Variants in SPAG9 observed in about 807,000 individuals in gnomAD.
The protein encoded by SPAG9 is C-Jun-amino-terminal kinase-interacting protein 4.
SPAG9 carries 35 observed loss-of-function variants against 166.5 expected under a neutral mutation model. The ratio of observed to expected loss-of-function variants is 0.21; its 90% CI spans 0.16 to 0.28. The LOEUF (loss-of-function observed/expected upper bound fraction) is 0.28, where lower values mean the gene tolerates loss of function less well. SPAG9 is among the 10% of genes least tolerant of loss of function. The pLI is 1.00. For synonymous variants in SPAG9, 534 were observed against 565.5 expected, an observed-to-expected ratio of 0.94 and a Z score of 0.79; for missense variants, 1,235 against 1,603.3, an observed-to-expected ratio of 0.77 and a Z score of 3.92.
chr17:51,107,100 CAAAA>C (rs527593488), intron 1 of SPAG9, among the ~76,000 whole-genome samples: 2 of 87,848 alleles, frequency 2.3e-5, no homozygotes, highest in African/African-American at 4.2e-5. Context: ...TGCTCCATCT[CAAAA>C]AAAAAAAAAA....
chr17:51,027,616 C>A (rs934137846), intron 6 of SPAG9, among the ~76,000 whole-genome samples: 2 of 152,108 alleles, frequency 1.3e-5, no homozygotes. Flanking sequence ...CTGAAAAATT[C>A]TTGTTGCCCA....
intron 3 of SPAG9, 78 bp downstream of exon 3, chr17:51,056,334 G>T: frequency 1.2e-6 from 1 of 830,598 alleles, no homozygotes; most frequent in East Asian, 2.6e-5. Flanking sequence ...GATTTTCAAA[G>T]AAAAATTAAG....
intron 1 of SPAG9, among the ~76,000 whole-genome samples, chr17:51,112,567 A>T (rs922795927): frequency 2.0e-5 from 3 of 146,986 alleles, no homozygotes; most frequent in African/African-American, 7.5e-5. Context: ...GCTACTCAGG[A>T]GGCTGAAGCA....
chr17:51,033,924 G>T (rs1483587635), intron 5 of SPAG9, among the ~76,000 whole-genome samples: 1 of 152,172 alleles, frequency 6.6e-6, no homozygotes, highest in South Asian at 2.1e-4. Context: ...TAAAATACAA[G>T]CTTTAAACAC....
chr17:51,038,654 A>G (rs992874113), intron 5 of SPAG9, among the ~76,000 whole-genome samples: 3 of 152,122 alleles, frequency 2.0e-5, no homozygotes, highest in African/African-American at 7.2e-5. Context: ...CACAATTGCC[A>G]TCTCATCTTC....
At position 51,037,449 on chromosome 17, in the gene SPAG9, C is replaced by T. The variant is rs549215965; in HGVS notation, c.741+4052G>A. 7.3e-5 allele frequency among the ~76,000 whole-genome samples: 11 copies of T among 151,408 alleles called. No homozygotes were observed. The East Asian group carries it at 1.9e-3, about 27-fold the overall frequency. On this transcript the variant is annotated intron_variant, in intron 5 of 29. Transcript: ENST00000262013. ...CCAACATGGCAAAACCTCGTCTCTACTAAAAACACAAAAATTAGCCAGGCA... is the reference window on the plus strand; with the variant it reads ...CCAACATGGCAAAACCTCGTCTCTATTAAAAACACAAAAATTAGCCAGGCA...
rs147655760 is a variant in SPAG9 at position 50,995,085 on chromosome 17, C to G, written c.2198G>C (p.Ser733Thr). Reference sequence around the variant, plus strand: ...AAGTTCCTGATCTAACTTATCTAAACTACTCTGAGAGGCACTTCGCTGTTT... The same window carrying G: ...AAGTTCCTGATCTAACTTATCTAAAGTACTCTGAGAGGCACTTCGCTGTTT... ...GSKQRSASQS[S>T]LDKLDQELKE... Residue 733 changes from serine (S) to threonine (T), a missense_variant, in exon 18 of 30, where the codon AGT becomes ACT. Transcript: ENST00000262013. 1.2e-6 allele frequency: 2 copies of G among 1,613,772 alleles called. No individual in the cohort carries two copies. The highest frequency in any genetic ancestry group is 1.7e-4 in the Middle Eastern group (1 of 6,060).
chr17:50,966,687 G>A (rs774034894), intron 29 of SPAG9, among the ~76,000 whole-genome samples: 32 of 152,172 alleles, frequency 2.1e-4, no homozygotes, highest in Admixed American at 1.1e-3. Flanking sequence ...GTCCAGACAT[G>A]GGAAGCTAAG....
intron 9 of SPAG9, among the ~76,000 whole-genome samples, chr17:51,010,578 A>ATATATATATATATATATAT (rs200072916): frequency 7.1e-6 from 1 of 141,670 alleles, no homozygotes; most frequent in African/African-American, 2.7e-5. Flanking sequence ...GAAAAAAAAA[A>ATATATATATATATATATAT]AAAAATATAT....
intron 6 of SPAG9, among the ~76,000 whole-genome samples, chr17:51,026,320 G>GAAAA (rs55851511): frequency 5.6e-5 from 5 of 89,364 alleles, no homozygotes; most frequent in African/African-American, 8.4e-5. Context: ...GGTGAAAAGA[G>GAAAA]AAAAAAAAAA....
At chr17:51,060,270 C>A (rs1383287298) in intron 2 of SPAG9, among the ~76,000 whole-genome samples, 1 of 151,782 alleles carries the variant, frequency 6.6e-6, no homozygotes, top group African/African-American at 2.4e-5. Flanking sequence ...TTTGGGAGGC[C>A]GAGGCAGGTG....
chr17:51,037,665 T>TTTTATATATATATATATATATATATATA (rs1239466619), intron 5 of SPAG9, among the ~76,000 whole-genome samples: 1 of 92,910 alleles, frequency 1.1e-5, no homozygotes, highest in Admixed American at 1.3e-4. Flanking sequence ...TATATGTGTT[T>TTTTATATATATATATATATATATATATA]TATATATATA....
At chr17:51,104,314 G>A (rs530166727) in intron 1 of SPAG9, among the ~76,000 whole-genome samples, 153 of 152,280 alleles carry the variant, frequency 1.0e-3, no homozygotes, top group Non-Finnish European at 2.1e-4. Context: ...AATGAGCACA[G>A]TATCATGCAC....
chr17:51,039,509 CTT>C (rs2046748145), intron 5 of SPAG9, among the ~76,000 whole-genome samples: 1 of 152,148 alleles, frequency 6.6e-6, no homozygotes, highest in African/African-American at 2.4e-5. Context: ...TTCATTGAGT[CTT>C]TATCTCATTC....
chr17:50,979,896 T>C lies in SPAG9; in HGVS notation c.3259A>G (p.Arg1087Gly), dbSNP rs1974468445. 3 of 1,613,672 alleles carry C rather than the reference T, an allele frequency of 1.9e-6. No homozygotes were observed. The highest frequency in any genetic ancestry group is 2.5e-6 in the Non-Finnish European group (3 of 1,179,600). ...AGCTGTCGCACTTGGCTCTCCTTCC[T>C]GGGATGTGCATCAAAAGATTTCTAG... ...KIEKSFDAHPRKESQVRQLAW... is the reference protein window; with the variant it reads ...KIEKSFDAHPGKESQVRQLAW... The change falls in exon 26 of 30, where the codon AGG becomes GGG. Residue 1087 changes from arginine (R) to glycine (G), a missense_variant. Transcript: ENST00000262013.
chr17:51,036,767 TATG>T (rs2046602044), intron 5 of SPAG9, among the ~76,000 whole-genome samples: 1 of 152,174 alleles, frequency 6.6e-6, no homozygotes, highest in African/African-American at 2.4e-5. Flanking sequence ...TTGCTTAGGT[TATG>T]ATAACAACCC....
chr17:50,993,343 C>T (rs891582055), intron 19 of SPAG9, among the ~76,000 whole-genome samples: 1 of 144,340 alleles, frequency 6.9e-6, no homozygotes, highest in African/African-American at 2.5e-5. Context: ...AAAAGTAGAA[C>T]TCATATTAAG....
At chr17:50,997,798 G>A (rs546853124) in intron 15 of SPAG9, among the ~76,000 whole-genome samples, 1 of 152,102 alleles carries the variant, frequency 6.6e-6, no homozygotes, top group South Asian at 2.1e-4. Context: ...GGAAAACCAA[G>A]TCCTCTGACA....
chr17:51,076,593 A>G (rs879420458), intron 2 of SPAG9, among the ~76,000 whole-genome samples: 4 of 151,774 alleles, frequency 2.6e-5, no homozygotes, highest in Non-Finnish European at 5.9e-5. Flanking sequence ...AAAATTAGCT[A>G]GGCATGGTGG....
Sources: allele counts gnomAD v4.1 joint callset (sites outside exome capture counted in the v4.1 genomes callset), GRCh38; gene constraint gnomAD v4.1.1; transcripts MANE v1.5; gene names NCBI Gene and HGNC (gene_info 2026-07-23, HGNC 2026-07-21).